RNF4: variants seen among roughly 807,000 people sequenced by gnomAD.
RNF4 encodes the protein E3 ubiquitin-protein ligase RNF4.
In RNF4, 7 loss-of-function variants were observed where a neutral mutation model predicts 24.3. That is an observed-to-expected ratio of 0.29 (90% CI 0.16 to 0.54). The LOEUF (loss-of-function observed/expected upper bound fraction) is 0.54. Among genes scored for constraint, RNF4 ranks in the 20% least tolerant of loss-of-function variants. The probability of loss-of-function intolerance (pLI) is 0.95; values close to 1 mark genes in which losing one functional copy is unlikely to be tolerated. For synonymous variants in RNF4, 83 were observed against 84.3 expected, an observed-to-expected ratio of 0.98 and a Z score of 0.09; for missense variants, 209 against 248.5, an observed-to-expected ratio of 0.84 and a Z score of 1.07.
In RNF4 at chr4:2,512,536, G is replaced by A; in HGVS notation, c.313G>A (p.Asp105Asn). 6.2e-7 allele frequency: 1 copy of A among 1,613,960 alleles called. No individual in the cohort carries two copies. The highest frequency in any genetic ancestry group is 8.5e-7 in the Non-Finnish European group (1 of 1,179,842). Residue 105 changes from aspartate (D) to asparagine (N), a missense_variant, in exon 6 of 8, where the codon GAC becomes AAC. Physicochemically the swap from Asp to Asn is conservative, Grantham distance 23. This residue lies in a region of RNF4 where 182 missense variants were observed against 197.2 expected (regional missense o/e 0.92). Transcript: ENST00000314289. This position sits in a 1 kb window ranked among gnomAD's most constrained non-coding sequence, Gnocchi z 4.1. The stretch of plus-strand genomic sequence containing the variant: ...CGATGAGGAGTTGTCCAGGGACAGA[G>A]ACGTATATGTGACTACCCATACTCC... ...SDDEELSRDR[D>N]VYVTTHTPRN...
intron 1 of RNF4, among the ~76,000 whole-genome samples, chr4:2,475,136 A>C (rs934108574): frequency 3.9e-5 from 6 of 152,228 alleles, no homozygotes; most frequent in Non-Finnish European, 5.9e-5. Context: ...CAAAAATATT[A>C]CAACTTTGTG....
chr4:2,472,967 G>C (rs1412698007), intron 1 of RNF4, among the ~76,000 whole-genome samples: 2 of 152,016 alleles, frequency 1.3e-5, no homozygotes, highest in East Asian at 3.9e-4. Flanking sequence ...GTGAACCCGG[G>C]AAGAGGAGCT....
At chr4:2,491,909 A>ATCTT (rs1260353773) in intron 2 of RNF4, among the ~76,000 whole-genome samples, 4 of 151,042 alleles carry the variant, frequency 2.6e-5, no homozygotes, top group Middle Eastern at 3.4e-3. Flanking sequence ...AATTTTTAAG[A>ATCTT]AAAAATTGGC....
intron 3 of RNF4, chr4:2,499,372 G>C: frequency 2.3e-6 from 1 of 433,330 alleles, no homozygotes; most frequent in East Asian, 7.9e-5. Context: ...GCATCCCGGG[G>C]TTCAAGCAAT....
intron 1 of RNF4, among the ~76,000 whole-genome samples, chr4:2,475,451 G>T (rs951257390): frequency 1.3e-5 from 2 of 152,022 alleles, no homozygotes; most frequent in African/African-American, 4.8e-5. Flanking sequence ...CCATTCTCCT[G>T]CCTCAGCCTC....
intron 2 of RNF4, 77 bp from the exon 3 acceptor site, chr4:2,496,930 C>T (rs1012204363): frequency 9.5e-7 from 1 of 1,053,602 alleles, no homozygotes; most frequent in Non-Finnish European, 1.4e-6. Context: ...TGAACCATTT[C>T]TATTGCCCAT....
chr4:2,477,028 C>T (rs556199550), intron 1 of RNF4, among the ~76,000 whole-genome samples: 2 of 151,934 alleles, frequency 1.3e-5, no homozygotes, highest in East Asian at 2.0e-4. Context: ...GTGATCTGCC[C>T]GCCTCAGCCT....
chr4:2,493,481 AG>A (rs944839185), intron 2 of RNF4, among the ~76,000 whole-genome samples: 1 of 152,080 alleles, frequency 6.6e-6, no homozygotes, highest in African/African-American at 2.4e-5. Flanking sequence ...AGCAGTGCCT[AG>A]TAAGAAAGAC....
At chr4:2,471,878 A>G (rs751184864) in intron 1 of RNF4, among the ~76,000 whole-genome samples, 1 of 152,252 alleles carries the variant, frequency 6.6e-6, no homozygotes, top group East Asian at 1.9e-4. Context: ...GTTTAAGGGA[A>G]GAAGCCACCT....
chr4:2,475,314 C>T (rs546907832), intron 1 of RNF4, among the ~76,000 whole-genome samples: 5 of 150,724 alleles, frequency 3.3e-5, no homozygotes, highest in South Asian at 2.1e-4. Flanking sequence ...TACAGGCGCA[C>T]GCCACCGCAC....
chr4:2,492,586 T>C (rs1735614359), intron 2 of RNF4, among the ~76,000 whole-genome samples: 1 of 152,194 alleles, frequency 6.6e-6, no homozygotes, highest in African/African-American at 2.4e-5. Flanking sequence ...AGAAGTACTG[T>C]GAATGGTATG....
intron 1 of RNF4, among the ~76,000 whole-genome samples, chr4:2,481,566 G>C (rs142829484): frequency 6.6e-6 from 1 of 152,100 alleles, no homozygotes; most frequent in Non-Finnish European, 1.5e-5. Flanking sequence ...GTGATTCTTA[G>C]CATTACCTTG....
At chr4:2,499,352 C>T (rs1268727852) in intron 3 of RNF4, 2 of 444,204 alleles carry the variant, frequency 4.5e-6, no homozygotes, top group Non-Finnish European at 9.0e-6. Flanking sequence ...GGTGCAGTGG[C>T]GTGATCTTTG....
At chr4:2,487,163 A>G (rs928211885) in intron 1 of RNF4, among the ~76,000 whole-genome samples, 13 of 151,908 alleles carry the variant, frequency 8.6e-5, no homozygotes, top group Non-Finnish European at 1.5e-5. Context: ...CTGGAGTGCA[A>G]TGGTGCAGTC....
At chr4:2,493,412 G>C (rs965797192) in intron 2 of RNF4, among the ~76,000 whole-genome samples, 2 of 151,966 alleles carry the variant, frequency 1.3e-5, no homozygotes, top group Non-Finnish European at 2.9e-5. Flanking sequence ...CTGCTTTCTT[G>C]GCTCCCTCAG....
chr4:2,470,409 T>C (rs913896395), intron 1 of RNF4, among the ~76,000 whole-genome samples: 1 of 152,224 alleles, frequency 6.6e-6, no homozygotes, highest in African/African-American at 2.4e-5. Flanking sequence ...GGTTCAGTTT[T>C]ATCTGTGAGT....
chr4:2,513,237 C>G (rs1736319343), intron 7 of RNF4, 106 bp downstream of exon 7: 1 of 1,040,036 alleles, frequency 9.6e-7, no homozygotes, highest in Admixed American at 1.7e-5. Context: ...CACCCCTACT[C>G]ACAGTCATGC....
Position 2,513,875 on chromosome 4 carries a change from AGTG to A in RNF4, c.*59_*61del. 1.2e-6 allele frequency: 2 copies of A among 1,605,798 alleles called. No homozygotes were observed. Among genetic ancestry groups the A allele is most frequent in the Admixed American group, 3.4e-5 (2 of 59,648 alleles). The stretch of plus-strand genomic sequence containing the variant: ...GGACAGACAGACAGCCAGGTTCTCC[AGTG>A]GTATCTGCCTCCATTTTCCTGAGAT... On this transcript the variant is annotated 3_prime_UTR_variant, in exon 8 of 8. Coordinates refer to ENST00000314289, the MANE Select transcript of RNF4 (RefSeq NM_002938.5).
chr4:2,494,268 G>T (rs928911416), intron 2 of RNF4, among the ~76,000 whole-genome samples: 2 of 151,758 alleles, frequency 1.3e-5, no homozygotes, highest in African/African-American at 4.8e-5. Flanking sequence ...AGGAGACAGG[G>T]TTATTTATAA....
Sources: gnomAD v4.1 joint callset for allele counts (sites outside exome capture counted in the v4.1 genomes callset) on GRCh38, gnomAD v4.1.1 for gene constraint, gnomAD v4.1.1 regional missense constraint, Gnocchi (gnomAD v3.1) non-coding constraint, MANE v1.5 for transcripts, NCBI Gene and HGNC (gene_info 2026-07-23, HGNC 2026-07-21) for gene names.